RIMS2: variants seen among roughly 807,000 people sequenced by gnomAD.
RIMS2 encodes regulating synaptic membrane exocytosis 2.
A neutral mutation model predicts 174.4 loss-of-function variants in RIMS2; 59 were observed. The ratio of observed to expected loss-of-function variants is 0.34; its 90% CI spans 0.27 to 0.42. RIMS2 has a LOEUF of 0.42. Ranked by LOEUF, RIMS2 falls within the 10% of genes least tolerant of loss-of-function variation. The pLI, the probability that RIMS2 is intolerant of heterozygous loss-of-function variation, is 1.00. For missense variants in RIMS2, 1,620 were observed against 1,666.3 expected, an observed-to-expected ratio of 0.97 and a Z score of 0.48; for synonymous variants, 606 against 572.5, an observed-to-expected ratio of 1.06 and a Z score of -0.84.
At chr8:103,632,267 T>C (rs2095944878) in intron 1 of RIMS2, among the ~76,000 whole-genome samples, 1 of 152,338 alleles carries the variant, frequency 6.6e-6, no homozygotes, top group African/African-American at 2.4e-5. Flanking sequence ...GGGTTTGTCA[T>C]AGATGACTCT....
intron 19 of RIMS2, among the ~76,000 whole-genome samples, chr8:104,184,229 CAT>C (rs887891382): frequency 1.3e-5 from 2 of 151,594 alleles, no homozygotes; most frequent in African/African-American, 4.8e-5. Flanking sequence ...AAATGTAAGA[CAT>C]AGTATTTCTG....
rs1326220815 is a variant in RIMS2 at position 103,927,564 on chromosome 8, A to AT, written c.2197-274dup. Among the ~76,000 whole-genome samples the AT allele has an allele frequency of 2.0e-5, 3 of 151,632 alleles. No individual in the cohort carries two copies. In the South Asian group the frequency reaches 6.2e-4, roughly 31 times the overall value. Reference sequence around the variant, plus strand: ...CAAAGTACATGAGCCCAAATATATTATTTTATATCCAGTCTTAATTCTTGT... The same window carrying AT: ...CAAAGTACATGAGCCCAAATATATTATTTTTATATCCAGTCTTAATTCTTGT... On this transcript the variant is annotated intron_variant, in intron 10 of 23. Coordinates refer to ENST00000504942, the Ensembl canonical transcript of RIMS2.
At chr8:104,105,463 A>G (rs1053759777) in intron 19 of RIMS2, among the ~76,000 whole-genome samples, 5 of 152,136 alleles carry the variant, frequency 3.3e-5, no homozygotes, top group Non-Finnish European at 5.9e-5. Context: ...TCCACTTGCT[A>G]TTGGTGTCAC....
At chr8:103,704,591 A>C (rs187495970) in intron 2 of RIMS2, among the ~76,000 whole-genome samples, 1 of 152,216 alleles carries the variant, frequency 6.6e-6, no homozygotes, top group Admixed American at 6.5e-5. Context: ...CAGTGACTCC[A>C]TCATGTCTTG....
intron 19 of RIMS2, among the ~76,000 whole-genome samples, chr8:104,051,297 C>T (rs917449878): frequency 6.6e-6 from 1 of 151,856 alleles, no homozygotes; most frequent in African/African-American, 2.4e-5. Flanking sequence ...TATACACTCA[C>T]ACACACATAT....
chr8:103,537,942 CA>C (rs1393532960), intron 1 of RIMS2, among the ~76,000 whole-genome samples: 1 of 151,366 alleles, frequency 6.6e-6, no homozygotes, highest in African/African-American at 2.4e-5. Flanking sequence ...TGGTTACCTG[CA>C]AAAAAAGATA....
At chr8:103,636,811 C>G (rs1476483041) in intron 1 of RIMS2, among the ~76,000 whole-genome samples, 1 of 123,636 alleles carries the variant, frequency 8.1e-6, no homozygotes, top group African/African-American at 3.2e-5. Context: ...CACACACACA[C>G]ACATACCAAT....
intron 2 of RIMS2, among the ~76,000 whole-genome samples, chr8:103,738,403 T>A (rs1306619447): frequency 9.9e-5 from 15 of 152,102 alleles, no homozygotes; most frequent in African/African-American, 3.4e-4. Context: ...AAAGATTTAA[T>A]TGTTAGACCT....
intron 1 of RIMS2, among the ~76,000 whole-genome samples, chr8:103,563,881 CA>C (rs371464778): frequency 1.3e-5 from 2 of 152,134 alleles, no homozygotes; most frequent in African/African-American, 4.8e-5. Flanking sequence ...AGAGCATGTA[CA>C]GGGGAAACTC....
At chr8:104,068,339 T>C (rs1248506537) in intron 19 of RIMS2, among the ~76,000 whole-genome samples, 173 bp from the exon 23 acceptor site, 1 of 152,220 alleles carries the variant, frequency 6.6e-6, no homozygotes, top group Non-Finnish European at 1.5e-5. Flanking sequence ...TTTTTACTTA[T>C]GAAATTGTAT....
chr8:104,225,603 A>G (rs1398639195), intron 19 of RIMS2, among the ~76,000 whole-genome samples: 1 of 152,186 alleles, frequency 6.6e-6, no homozygotes, highest in Non-Finnish European at 1.5e-5. Context: ...TTTTGAGACA[A>G]GAAAAATGTA....
intron 1 of RIMS2, among the ~76,000 whole-genome samples, chr8:103,539,081 C>G (rs763624818): frequency 1.3e-5 from 2 of 152,114 alleles, no homozygotes; most frequent in Non-Finnish European, 2.9e-5. Context: ...TGCCTTTAAT[C>G]TCAGCTACTT....
chr8:103,792,746 G>T (rs1040823556), intron 3 of RIMS2, among the ~76,000 whole-genome samples: 11 of 151,282 alleles, frequency 7.3e-5, no homozygotes, highest in Non-Finnish European at 1.5e-4. Context: ...ATGAGAAAGT[G>T]GATGTCACCA....
intron 19 of RIMS2, among the ~76,000 whole-genome samples, chr8:104,086,915 C>T (rs2097545993): frequency 6.6e-6 from 1 of 152,134 alleles, no homozygotes; most frequent in Admixed American, 6.6e-5. Flanking sequence ...CTAAACCCCA[C>T]AACCAGTGGT....
At chr8:104,014,652 C>A in intron 19 of RIMS2, 37 bp downstream of exon 21, 2 of 1,258,378 alleles carry the variant, frequency 1.6e-6, no homozygotes, top group Non-Finnish European at 2.3e-6. Context: ...TTAGGAAATA[C>A]ACATGGAAGC....
intron 8 of RIMS2, among the ~76,000 whole-genome samples, chr8:103,917,894 A>T (rs1032854319): frequency 6.6e-6 from 1 of 152,180 alleles, no homozygotes; most frequent in African/African-American, 2.4e-5. Context: ...GCTTGAACCC[A>T]GAAAGTGGAG....
chr8:103,568,413 T>C (rs1452562536), intron 1 of RIMS2, among the ~76,000 whole-genome samples: 2 of 152,206 alleles, frequency 1.3e-5, no homozygotes, highest in Non-Finnish European at 2.9e-5. Flanking sequence ...TTATTAAAAG[T>C]AGCTAAAAAG....
intron 19 of RIMS2, among the ~76,000 whole-genome samples, chr8:104,174,967 T>A (rs554874830): frequency 2.0e-5 from 3 of 152,222 alleles, no homozygotes; most frequent in African/African-American, 7.2e-5. Context: ...TCTACAAGTA[T>A]TTGAAAAGTC....
rs1005455267 is a variant in RIMS2, at chr8:103,888,938, T to C, written c.1624+2715T>C. 2.6e-5 allele frequency among the ~76,000 whole-genome samples: 4 copies of C among 151,756 alleles called. No individual in the cohort carries two copies. The East Asian group carries it at 7.8e-4, about 29-fold the overall frequency. ...CAGAAAACTACACTTTAATTTGAAT[T>C]TGGAAGAATAAACTTGAATGAAGTA... On this transcript the variant is annotated intron_variant, in intron 4 of 23. Coordinates refer to ENST00000504942, the Ensembl canonical transcript of RIMS2.
Sources: gnomAD v4.1 joint callset for allele counts (sites outside exome capture counted in the v4.1 genomes callset) on GRCh38, gnomAD v4.1.1 for gene constraint, MANE v1.5 for transcripts, NCBI Gene and HGNC (gene_info 2026-07-23, HGNC 2026-07-21) for gene names.